Variants in NRXN3 observed in about 807,000 individuals in gnomAD.
NRXN3 encodes the protein neurexin III.
Under a neutral mutation model 137.6 loss-of-function variants are expected in NRXN3, and 32 were observed. That is an observed-to-expected ratio of 0.23 (90% confidence interval 0.18 to 0.31). The LOEUF (loss-of-function observed/expected upper bound fraction) is 0.31. Among genes scored for constraint, NRXN3 ranks in the 10% least tolerant of loss-of-function variants. NRXN3 has a pLI of 1.00. For synonymous variants in NRXN3, 798 were observed against 784.5 expected (o/e 1.02, Z -0.29); for missense variants, 1,574 against 2,062.5 (o/e 0.76, Z 4.59).
intron 8 of NRXN3, among the ~76,000 whole-genome samples, chr14:78,780,962 A>G (rs1394526152): frequency 6.6e-6 from 1 of 152,204 alleles, no homozygotes; most frequent in Non-Finnish European, 1.5e-5. Flanking sequence ...GGAAACTCTC[A>G]GGCAATTTAC....
chr14:78,542,700 G>C (rs1170366481), intron 4 of NRXN3, among the ~76,000 whole-genome samples: 1 of 152,146 alleles, frequency 6.6e-6, no homozygotes, highest in Non-Finnish European at 1.5e-5. Flanking sequence ...TACACCCACT[G>C]TCTAACCAGT....
intron 15 of NRXN3, among the ~76,000 whole-genome samples, chr14:79,191,058 C>T (rs7156245): frequency 0.42 from 63,268 of 152,090 alleles, 15,510 homozygotes; most frequent in East Asian, 0.62. Flanking sequence ...TGGAGATTAA[C>T]GGAAAGCCCC....
chr14:79,502,537 G>A (rs911732864), intron 16 of NRXN3, among the ~76,000 whole-genome samples: 4 of 138,354 alleles, frequency 2.9e-5, no homozygotes, highest in Admixed American at 1.5e-4. Flanking sequence ...ACCTCCTCCC[G>A]CCTCTCCCTC....
intron 15 of NRXN3, among the ~76,000 whole-genome samples, chr14:79,094,971 A>AGTGT (rs1178553706): frequency 6.1e-4 from 61 of 100,376 alleles, no homozygotes; most frequent in East Asian, 1.9e-3. Flanking sequence ...AGAGAGAGAG[A>AGTGT]GAGAGAGAGT....
At chr14:78,820,311 G>A (rs2098947059) in intron 10 of NRXN3, among the ~76,000 whole-genome samples, 1 of 147,634 alleles carries the variant, frequency 6.8e-6, no homozygotes, top group Non-Finnish European at 1.5e-5. Flanking sequence ...GAATTCTGGA[G>A]TTTCCAGAAT....
chr14:78,948,245 A>G (rs1312404963), intron 10 of NRXN3, among the ~76,000 whole-genome samples: 1 of 152,218 alleles, frequency 6.6e-6, no homozygotes, highest in Non-Finnish European at 1.5e-5. Context: ...GGAGAGATGA[A>G]GGTGTTGCCA....
At chr14:79,671,189 C>A (rs919037262) in intron 17 of NRXN3, among the ~76,000 whole-genome samples, 10 of 152,108 alleles carry the variant, frequency 6.6e-5, no homozygotes, top group Admixed American at 2.0e-4. Flanking sequence ...TAGGAACAGT[C>A]TATGGGAGTG....
intron 15 of NRXN3, among the ~76,000 whole-genome samples, chr14:79,267,931 G>C (rs997571273): frequency 6.6e-6 from 1 of 152,138 alleles, no homozygotes; most frequent in Non-Finnish European, 1.5e-5. Flanking sequence ...TTAAAAGAAT[G>C]GGGCTCTCAT....
chr14:79,286,535 A>AATATATATATATATATATATATATAT (rs111827205), intron 15 of NRXN3, among the ~76,000 whole-genome samples: 1 of 139,674 alleles, frequency 7.2e-6, no homozygotes, highest in African/African-American at 2.6e-5. Context: ...TTGAGAGAAT[A>AATATATATATATATATATATATATAT]ATATATATAT....
chr14:78,542,606 G>T (rs931136021), intron 4 of NRXN3, among the ~76,000 whole-genome samples: 16 of 152,168 alleles, frequency 1.1e-4, no homozygotes, highest in African/African-American at 3.9e-4. Flanking sequence ...GGCTTCCCTT[G>T]GCTAGGAAAG....
chr14:79,280,328 CGCCG>C, intron 15 of NRXN3: 2 of 1,614,134 alleles, frequency 1.2e-6, no homozygotes, highest in South Asian at 2.2e-5. Context: ...GAGCCCTCCT[CGCCG>C]GCCGGCCTGG....
chr14:78,826,717 T>C (rs1343548579), intron 10 of NRXN3, among the ~76,000 whole-genome samples: 1 of 152,234 alleles, frequency 6.6e-6, no homozygotes, highest in Non-Finnish European at 1.5e-5. Context: ...AAACATACTA[T>C]GCCTATTATA....
chr14:79,564,494 A>AAAG (rs2097529861), intron 16 of NRXN3, among the ~76,000 whole-genome samples: 1 of 152,170 alleles, frequency 6.6e-6, no homozygotes, highest in Admixed American at 6.6e-5. Context: ...AATATAATAA[A>AAAG]AAGTAGTCAT....
At chr14:78,244,851 C>T (rs1404059368) in intron 2 of NRXN3, among the ~76,000 whole-genome samples, 1 of 152,254 alleles carries the variant, frequency 6.6e-6, no homozygotes, top group Non-Finnish European at 1.5e-5. Flanking sequence ...CCTGGAGAAC[C>T]TCCCAGGTTC....
At chr14:78,891,326 G>T (rs1185114446) in intron 10 of NRXN3, among the ~76,000 whole-genome samples, 1 of 151,960 alleles carries the variant, frequency 6.6e-6, no homozygotes. Flanking sequence ...TAAGCAATTT[G>T]TCTGAGGTCA....
At chr14:79,066,038 T>C (rs1224101223) in intron 15 of NRXN3, among the ~76,000 whole-genome samples, 2 of 152,196 alleles carry the variant, frequency 1.3e-5, no homozygotes, top group Non-Finnish European at 2.9e-5. Context: ...TTGCAATTGC[T>C]TTTGGCGTTT....
chr14:78,201,696 A>G (rs1344459196), intron 1 of NRXN3, among the ~76,000 whole-genome samples: 2 of 152,184 alleles, frequency 1.3e-5, no homozygotes, highest in Non-Finnish European at 2.9e-5. Flanking sequence ...TGTTTGCTAC[A>G]CGAAGGAGCT....
chr14:79,277,529 G>C (rs2080485861), intron 15 of NRXN3, among the ~76,000 whole-genome samples: 2 of 152,172 alleles, frequency 1.3e-5, no homozygotes, highest in African/African-American at 4.8e-5. Context: ...TAGAGCTTCA[G>C]CTTATTTTTC....
chr14:79,431,199 G>A (rs192581461), intron 15 of NRXN3, among the ~76,000 whole-genome samples: 20 of 152,258 alleles, frequency 1.3e-4, no homozygotes, highest in Admixed American at 9.8e-4. Flanking sequence ...ATCTAAGAAT[G>A]GCAAGTCTGA....
Sources: allele counts gnomAD v4.1 joint callset (sites outside exome capture counted in the v4.1 genomes callset), GRCh38; gene constraint gnomAD v4.1.1; transcripts MANE v1.5; gene names NCBI Gene and HGNC (gene_info 2026-07-23, HGNC 2026-07-21).